The following OTULIN variants were observed in gnomAD, a reference collection of about 807,000 sequenced individuals.
The protein encoded by OTULIN is ubiquitin thioesterase otulin.
Under a neutral mutation model 39.6 loss-of-function variants are expected in OTULIN, and 15 were observed. The ratio of observed to expected loss-of-function variants is 0.38; its 90% CI spans 0.25 to 0.58. The LOEUF (loss-of-function observed/expected upper bound fraction) is 0.58. OTULIN is among the 20% of genes least tolerant of loss of function. The pLI is 0.66. For missense variants in OTULIN, 319 were observed against 445.9 expected, an observed-to-expected ratio of 0.72 and a Z score of 2.56; for synonymous variants, 156 against 170.3, an observed-to-expected ratio of 0.92 and a Z score of 0.65.
chr5:14,676,049 G>A (rs1215150838), intron 2 of OTULIN, among the ~76,000 whole-genome samples: 1 of 152,126 alleles, frequency 6.6e-6, no homozygotes, highest in Non-Finnish European at 1.5e-5. Flanking sequence ...TGTCTGGCCC[G>A]TTACAGACAA....
rs995162243 is a variant in OTULIN at position 14,698,256 on chromosome 5, G to C, written c.*5208G>C. The stretch of plus-strand genomic sequence containing the variant: ...TTCCATGGGTAAGCCATTGTGAATG[G>C]AGGCTGGTGGAGCAGCACACTGTGT... On this transcript the variant is annotated 3_prime_UTR_variant, in exon 7 of 7. Transcript: ENST00000284274. 3.9e-5 allele frequency: 6 copies of C among 152,230 alleles called. No individual in the cohort carries two copies. Among genetic ancestry groups the C allele is most frequent in the Non-Finnish European group, 8.8e-5 (6 of 68,040 alleles). 9.4% of individuals were successfully genotyped at this position (152,230 alleles called of 1,614,324 possible).
In OTULIN at chr5:14,670,103, GTCAT is replaced by G. The variant is rs1440162581; in HGVS notation, c.153-3537_153-3534del. On this transcript the variant is annotated intron_variant, in intron 1 of 6. Coordinates refer to ENST00000284274, the MANE Select transcript of OTULIN (RefSeq NM_138348.6). ...TTGAGGTTGACTGCCAGAAAATCAA[GTCAT>G]TTAGACTTTGGCTTAACTTTTCTTT... is the stretch of plus-strand genomic sequence containing the variant. 2.0e-5 allele frequency among the ~76,000 whole-genome samples: 3 copies of G among 152,264 alleles called. No homozygotes were observed. The East Asian group carries it at 5.8e-4, about 29-fold the overall frequency.
the OTULIN span, among the ~76,000 whole-genome samples, chr5:14,716,161 T>G: frequency 6.6e-6 from 1 of 152,246 alleles, no homozygotes; most frequent in Non-Finnish European, 1.5e-5. Context: ...TGCTATCCTT[T>G]CAGGTCTACT....
At chr5:14,712,744 G>A in the OTULIN span, 49 of 920,232 alleles carry the variant, frequency 5.3e-5, no homozygotes, top group East Asian at 5.1e-4. Context: ...CCTAAGCCAC[G>A]AGACTGGGCA....
At chr5:14,708,332 A>C in the OTULIN span, 1 of 152,234 alleles carries the variant, frequency 6.6e-6, no homozygotes, top group East Asian at 1.9e-4. Flanking sequence ...TCCACAAGCA[A>C]TCACTCAGTT....
At chr5:14,705,345 T>A in the OTULIN span, 1 of 152,138 alleles carries the variant, frequency 6.6e-6, no homozygotes, top group African/African-American at 2.4e-5. Context: ...ATGAGGTGAT[T>A]TTATTCTTCC....
intron 5 of OTULIN, among the ~76,000 whole-genome samples, chr5:14,688,255 C>G (rs1441245481): frequency 6.6e-6 from 1 of 152,166 alleles, no homozygotes; most frequent in Non-Finnish European, 1.5e-5. Context: ...TACATGACCC[C>G]TAGCTTGCTT....
chr5:14,683,110 A>G (rs1361333173), intron 4 of OTULIN, among the ~76,000 whole-genome samples: 11 of 152,172 alleles, frequency 7.2e-5, no homozygotes, highest in African/African-American at 2.4e-5. Flanking sequence ...CAGCACACCT[A>G]TATCAACTGT....
chr5:14,711,405 C>A, the OTULIN span: 2 of 1,072,028 alleles, frequency 1.9e-6, no homozygotes, highest in Non-Finnish European at 2.9e-6. Flanking sequence ...TCTTGGGGGA[C>A]CCCTCACTGT....
At chr5:14,709,073 T>C in the OTULIN span, 2 of 152,314 alleles carry the variant, frequency 1.3e-5, no homozygotes, top group South Asian at 4.1e-4. Flanking sequence ...TTTATGTTTT[T>C]AGTAGAGACA....
At chr5:14,702,952 T>C (rs1363137168), downstream of OTULIN, among the ~76,000 whole-genome samples, 1 of 152,194 alleles carries the variant, frequency 6.6e-6, no homozygotes, top group Non-Finnish European at 1.5e-5. Context: ...AGCACTTCCA[T>C]GTGGCTTAGA....
In OTULIN at chr5:14,664,881, A is replaced by G. The variant is rs1010342671; in HGVS notation, c.56A>G (p.Glu19Gly). The G allele has an allele frequency of 4.2e-6, 5 of 1,192,602 alleles. No homozygotes were observed. Among genetic ancestry groups the G allele is most frequent in the Non-Finnish European group, 5.2e-6 (5 of 963,348 alleles). The allele number at this position is 1,192,602 out of a possible 1,614,324, so 73.9% of individuals were successfully genotyped here. ...PEAWPGASCA[E>G]TPAREAAATA... ...GCGTGGCCAGGCGCGAGCTGCGCCG[A>G]GACGCCGGCGCGGGAGGCGGCGGCC... is the stretch of plus-strand genomic sequence containing the variant. The change falls in exon 1 of 7, where the codon GAG becomes GGG. Residue 19 changes from glutamate to glycine, a missense_variant. Glu to Gly is a moderately conservative substitution (Grantham distance 98). This residue lies in a region of OTULIN where 132 missense variants were observed against 143.7 expected (regional missense o/e 0.92). Transcript: ENST00000284274.
chr5:14,710,406 G>T, the OTULIN span: 2 of 152,268 alleles, frequency 1.3e-5, no homozygotes, highest in African/African-American at 4.8e-5. Context: ...ATGCGCTTTT[G>T]TGACAATTTA....
Position 14,694,657 on chromosome 5 carries a change from C to T in OTULIN, c.*1609C>T, listed in dbSNP as rs1023278452. On this transcript the variant is annotated 3_prime_UTR_variant, in exon 7 of 7. Coordinates refer to ENST00000284274, the MANE Select transcript of OTULIN (RefSeq NM_138348.6). Reference sequence around the variant, plus strand: ...ATTCAGACTGTTACTTTAGCTTTCTCCCATTACCTCATCAGTAATATTCAC... The same window carrying T: ...ATTCAGACTGTTACTTTAGCTTTCTTCCATTACCTCATCAGTAATATTCAC... 2 of 152,730 alleles carry T rather than the reference C, an allele frequency of 1.3e-5. No homozygotes were observed. The highest frequency in any genetic ancestry group is 1.5e-5 in the Non-Finnish European group (1 of 68,028). 9.5% of individuals were successfully genotyped at this position (152,730 alleles called of 1,614,324 possible).
chr5:14,701,543 C>T (rs897611059), downstream of OTULIN, among the ~76,000 whole-genome samples: 5 of 152,184 alleles, frequency 3.3e-5, no homozygotes, highest in Admixed American at 1.3e-4. Flanking sequence ...AGTATTACAA[C>T]CCCCTGCCCC....
In OTULIN at chr5:14,696,349, T is replaced by C. The variant is rs1303397371; in HGVS notation, c.*3301T>C. ...CTTATCTCCTTTTCTTAAGCAGTAC[T>C]TTGCAGGTACTCCCCTTTGAAAGCC... On this transcript the variant is annotated 3_prime_UTR_variant, in exon 7 of 7. Coordinates refer to ENST00000284274, the MANE Select transcript of OTULIN (RefSeq NM_138348.6). 1 of 152,236 alleles carries C rather than the reference T, an allele frequency of 6.6e-6. No individual in the cohort carries two copies. Among genetic ancestry groups the C allele is most frequent in the African/African-American group, 2.4e-5 (1 of 41,462 alleles). 9.4% of individuals were successfully genotyped at this position (152,236 alleles called of 1,614,324 possible). A position where few individuals can be genotyped will look rare whatever the true frequency, so the allele number is the denominator to read the frequency against.
At chr5:14,678,411 A>C (rs1368312059) in intron 2 of OTULIN, among the ~76,000 whole-genome samples, 1 of 152,200 alleles carries the variant, frequency 6.6e-6, no homozygotes, top group Non-Finnish European at 1.5e-5. Context: ...ATACCATCTG[A>C]TTCACGTTTA....
At chr5:14,682,175 T>G (rs1446070826) in intron 4 of OTULIN, among the ~76,000 whole-genome samples, 2 of 152,236 alleles carry the variant, frequency 1.3e-5, no homozygotes, top group Non-Finnish European at 2.9e-5. Flanking sequence ...GTCATGTGTC[T>G]GCATGTCCTG....
chr5:14,704,329 CAAAAAAAAAAA>C (rs1194771023), downstream of OTULIN, among the ~76,000 whole-genome samples: 3 of 65,524 alleles, frequency 4.6e-5, no homozygotes, highest in African/African-American at 1.3e-4. Flanking sequence ...GACTCCGTCT[CAAAAAAAAAAA>C]AAAAAAAAAA....
Sources: allele counts gnomAD v4.1 joint callset (sites outside exome capture counted in the v4.1 genomes callset), GRCh38; gene constraint gnomAD v4.1.1; regional missense constraint gnomAD v4.1.1; transcripts MANE v1.5; gene names NCBI Gene and HGNC (gene_info 2026-07-23, HGNC 2026-07-21).